The following SMARCA2 variants were observed in gnomAD, a reference collection of about 807,000 sequenced individuals.
SMARCA2 encodes SWI/SNF related BAF chromatin remodeling complex subunit ATPase 2.
In SMARCA2, 61 loss-of-function variants were observed where a neutral mutation model predicts 199.8. The observed-to-expected ratio is 0.31, with a 90% CI of 0.25 to 0.38. The LOEUF (loss-of-function observed/expected upper bound fraction) is 0.38, where lower values mean the gene tolerates loss of function less well. SMARCA2 is among the 10% of genes least tolerant of loss of function. The pLI, the probability that SMARCA2 is intolerant of heterozygous loss-of-function variation, is 1.00. For missense variants in SMARCA2, 1,344 were observed against 2,012.2 expected (o/e 0.67, Z 6.35); for synonymous variants, 935 against 732.0 (o/e 1.28, Z -4.48).
chr9:2,113,673 C>T (rs1823100799), intron 24 of SMARCA2, among the ~76,000 whole-genome samples: 1 of 152,164 alleles, frequency 6.6e-6, no homozygotes, highest in African/African-American at 2.4e-5. Flanking sequence ...CTGCTACCAC[C>T]ACCAAACGAA....
chr9:2,156,541 C>G (rs1028222883), intron 27 of SMARCA2, among the ~76,000 whole-genome samples: 1 of 149,916 alleles, frequency 6.7e-6, no homozygotes, highest in South Asian at 2.1e-4. Flanking sequence ...AGCAATTCTC[C>G]TGCCTCAGAC....
intron 14 of SMARCA2, chr9:2,080,261 T>A (rs1821508446): frequency 6.6e-6 from 1 of 152,240 alleles, no homozygotes; most frequent in African/African-American, 2.4e-5. Flanking sequence ...GAGAGCCACA[T>A]AAGCTTGGTT....
intron 26 of SMARCA2, among the ~76,000 whole-genome samples, chr9:2,121,393 A>G (rs986621389): frequency 2.0e-5 from 3 of 152,180 alleles, no homozygotes; most frequent in Non-Finnish European, 4.4e-5. Context: ...GCTGGCTTCT[A>G]TTTTGAGGAT....
chr9:2,177,847 C>T (rs546262355), intron 29 of SMARCA2, among the ~76,000 whole-genome samples: 4 of 152,256 alleles, frequency 2.6e-5, no homozygotes, highest in South Asian at 2.1e-4. Flanking sequence ...CCACCGTGCC[C>T]GGCCAGAGGT....
intron 30 of SMARCA2, 143 bp downstream of exon 30, chr9:2,181,819 T>C (rs986812332): frequency 4.8e-6 from 3 of 624,520 alleles, no homozygotes; most frequent in African/African-American, 1.8e-5. Flanking sequence ...CCTTGTGCTT[T>C]TCCGTGAGTG....
chr9:2,181,457 A>G (rs1827016878), intron 29 of SMARCA2, 114 bp from the exon 30 acceptor site: 2 of 655,892 alleles, frequency 3.0e-6, no homozygotes, highest in South Asian at 3.3e-5. Flanking sequence ...AAAGCTCCAT[A>G]TCTATATGCG....
intron 28 of SMARCA2, chr9:2,162,830 C>T (rs1376908184): frequency 6.6e-6 from 1 of 152,158 alleles, no homozygotes; most frequent in African/African-American, 2.4e-5. Context: ...AAGCAAGCTC[C>T]TCTTCTAGCT....
chr9:2,120,541 G>A (rs1375636093), intron 26 of SMARCA2, among the ~76,000 whole-genome samples: 1 of 152,118 alleles, frequency 6.6e-6, no homozygotes, highest in Non-Finnish European at 1.5e-5. Flanking sequence ...AAACACAACT[G>A]TGGGCCAAAT....
Position 2,119,229 on chromosome 9 carries a change from C to G in SMARCA2, c.3685-229C>G, listed in dbSNP as rs1047979581. ...ATCAAGATACACATCCAGGAGAACT[C>G]ATATTTCTTATAGTGGACCACAGTT... On this transcript the variant is annotated intron_variant, in intron 25 of 33. Coordinates refer to ENST00000349721, the MANE Select transcript of SMARCA2 (RefSeq NM_003070.5). This position sits in a 1 kb window ranked among gnomAD's most constrained non-coding sequence, Gnocchi z 4.6. Among the ~76,000 whole-genome samples the G allele has an allele frequency of 6.6e-6, 1 of 152,192 alleles. No individual in the cohort carries two copies. The highest frequency in any genetic ancestry group is 1.5e-5 in the Non-Finnish European group (1 of 68,044).
chr9:2,082,018 C>T (rs1187299900), intron 15 of SMARCA2, 23 bp downstream of exon 15: 2 of 1,604,374 alleles, frequency 1.2e-6, no homozygotes, highest in Non-Finnish European at 1.7e-6. Context: ...ATTTATTCCA[C>T]AGTCATCGTT....
chr9:2,190,492 C>A (rs1026493226), intron 32 of SMARCA2, among the ~76,000 whole-genome samples: 1 of 152,184 alleles, frequency 6.6e-6, no homozygotes, highest in African/African-American at 2.4e-5. Flanking sequence ...TGTGAGTAAA[C>A]AGCCAAGTGG....
chr9:2,082,019 A>T, intron 15 of SMARCA2, 24 bp downstream of exon 15: 1 of 1,605,058 alleles, frequency 6.2e-7, no homozygotes, highest in Non-Finnish European at 8.5e-7. Context: ...TTTATTCCAC[A>T]GTCATCGTTC....
rs558088507 is a variant in SMARCA2, at chr9:2,088,392, T to C, written c.2770-108T>C. The C allele has an allele frequency of 8.8e-5, 114 of 1,301,234 alleles. No homozygotes were observed. The South Asian group carries it at 1.9e-3, about 21-fold the overall frequency. The allele number at this position is 1,301,234 out of a possible 1,614,324, so 80.6% of individuals were successfully genotyped here. ...CAGGCTTAAACTTGGCTTTAATGCATGTAAAATGTCAATCATGTATTGAAC... is the reference window on the plus strand; with the variant it reads ...CAGGCTTAAACTTGGCTTTAATGCACGTAAAATGTCAATCATGTATTGAAC... On this transcript the variant is annotated intron_variant, in intron 18 of 33. Coordinates refer to ENST00000349721, the MANE Select transcript of SMARCA2 (RefSeq NM_003070.5).
intron 12 of SMARCA2, among the ~76,000 whole-genome samples, chr9:2,075,756 C>G (rs560385040): frequency 6.6e-6 from 1 of 152,226 alleles, no homozygotes; most frequent in East Asian, 1.9e-4. Flanking sequence ...CTCCTGGGTT[C>G]AAGCGATTCT....
At chr9:2,157,934 C>T (rs10965030) in intron 27 of SMARCA2, 248,588 of 397,762 alleles carry the variant, frequency 0.62, 79,551 homozygotes, top group East Asian at 0.68. Context: ...CCACGTGTGG[C>T]TGCTTCCCGG....
At position 2,086,876 on chromosome 9, in the gene SMARCA2, T is replaced by C; in HGVS notation, c.2574T>C (p.Asn858=). 1 of 1,614,128 alleles carries C rather than the reference T, an allele frequency of 6.2e-7. No homozygotes were observed. The highest frequency in any genetic ancestry group is 8.5e-7 in the Non-Finnish European group (1 of 1,179,992). The change falls in exon 18 of 34, where the codon AAT becomes AAC. Residue 858 remains asparagine (N), a synonymous_variant. Coordinates refer to ENST00000349721, the MANE Select transcript of SMARCA2 (RefSeq NM_003070.5). The surrounding 1 kb of genome is among the most constrained non-coding windows in gnomAD (Gnocchi z 4.3). ...TGGACGAAGGCCACCGAATGAAGAA[T>C]CACCACTGCAAGCTGACTCAGGTCT... ...MIVDEGHRMK[N]HHCKLTQVLN...
intron 31 of SMARCA2, among the ~76,000 whole-genome samples, chr9:2,182,604 C>G (rs1431763844): frequency 6.8e-6 from 1 of 146,020 alleles, no homozygotes; most frequent in Non-Finnish European, 1.5e-5. Context: ...AGCCATTCTT[C>G]TGCTCTCAGC....
At chr9:2,134,824 T>C (rs1310538101) in intron 27 of SMARCA2, among the ~76,000 whole-genome samples, 1 of 152,164 alleles carries the variant, frequency 6.6e-6, no homozygotes, top group Non-Finnish European at 1.5e-5. Context: ...CCCCTAGGTC[T>C]TTCTACAACA....
chr9:2,135,348 A>G (rs2130665058), intron 27 of SMARCA2, among the ~76,000 whole-genome samples: 1 of 152,294 alleles, frequency 6.6e-6, no homozygotes, highest in East Asian at 1.9e-4. Context: ...TTAAAATGCA[A>G]ATCTCTTCCA....
Sources: gnomAD v4.1 joint callset for allele counts (sites outside exome capture counted in the v4.1 genomes callset) on GRCh38, gnomAD v4.1.1 for gene constraint, Gnocchi (gnomAD v3.1) non-coding constraint, MANE v1.5 for transcripts, NCBI Gene and HGNC (gene_info 2026-07-23, HGNC 2026-07-21) for gene names.